The following APAF1 variants were observed in gnomAD, a reference collection of about 807,000 sequenced individuals.
APAF1 encodes the protein apoptotic peptidase activating factor 1.
APAF1 carries 91 observed loss-of-function variants against 152.4 expected under a neutral mutation model. The ratio of observed to expected loss-of-function variants is 0.60; its 90% CI spans 0.50 to 0.71. The LOEUF (loss-of-function observed/expected upper bound fraction) is 0.71, where lower values mean the gene tolerates loss of function less well. APAF1 is among the 30% of genes least tolerant of loss of function. The pLI is 0.00. For synonymous variants in APAF1, 484 were observed against 494.1 expected (o/e 0.98, Z 0.27); for missense variants, 1,283 against 1,472.0 (o/e 0.87, Z 2.10).
chr12:98,725,609 A>G (rs2097749347), intron 25 of APAF1, 69 bp downstream of exon 25: 1 of 1,601,948 alleles, frequency 6.2e-7, no homozygotes. Context: ...CACAGTGGGG[A>G]CCTTTGTTCA....
chr12:98,698,541 G>A (rs1196828252), intron 16 of APAF1, among the ~76,000 whole-genome samples: 2 of 152,096 alleles, frequency 1.3e-5, no homozygotes, highest in African/African-American at 2.4e-5. Context: ...TTTGGTTTTG[G>A]CCATGTTTCT....
At chr12:98,716,504 T>G (rs1009847489) in intron 22 of APAF1, among the ~76,000 whole-genome samples, 4 of 152,212 alleles carry the variant, frequency 2.6e-5, no homozygotes, top group African/African-American at 9.6e-5. Context: ...TTTGAAGACA[T>G]TGCTCCATTT....
chr12:98,718,378 A>C (rs1443348244), intron 22 of APAF1, among the ~76,000 whole-genome samples: 2 of 151,984 alleles, frequency 1.3e-5, no homozygotes, highest in Non-Finnish European at 2.9e-5. Flanking sequence ...GATTACAGGC[A>C]CCTGCCATCA....
chr12:98,707,898 C>T (rs1290296691), intron 19 of APAF1, among the ~76,000 whole-genome samples: 1 of 152,142 alleles, frequency 6.6e-6, no homozygotes, highest in African/African-American at 2.4e-5. Context: ...CATCACTAGA[C>T]ACAGTTACAG....
chr12:98,671,441 C>G, intron 11 of APAF1, 94 bp from the exon 12 acceptor site: 1 of 1,221,184 alleles, frequency 8.2e-7, no homozygotes, highest in East Asian at 2.3e-5. Flanking sequence ...AAGAATATTT[C>G]ATTTAAGCTT....
intron 17 of APAF1, among the ~76,000 whole-genome samples, chr12:98,701,653 G>A (rs1195552967): frequency 6.6e-6 from 1 of 152,222 alleles, no homozygotes; most frequent in African/African-American, 2.4e-5. Context: ...GTTCTAGTGA[G>A]AGGAAGATAA....
At chr12:98,721,589 ATC>A (rs2097742908) in intron 22 of APAF1, among the ~76,000 whole-genome samples, 1 of 152,126 alleles carries the variant, frequency 6.6e-6, no homozygotes, top group South Asian at 2.1e-4. Context: ...CCCCCAGCAT[ATC>A]TCATTGGGTT....
intron 16 of APAF1, among the ~76,000 whole-genome samples, chr12:98,690,794 T>C (rs1196397897): frequency 6.6e-6 from 1 of 152,194 alleles, no homozygotes; most frequent in East Asian, 1.9e-4. Context: ...ATGGCAATAA[T>C]GTTACCTCAT....
chr12:98,709,191 C>T (rs2097725073), intron 20 of APAF1, among the ~76,000 whole-genome samples: 1 of 152,160 alleles, frequency 6.6e-6, no homozygotes, highest in Non-Finnish European at 1.5e-5. Context: ...TTTACACACA[C>T]CTTTGTTCAG....
In APAF1 at chr12:98,734,077, C is replaced by CTT. The variant is rs1650579592; in HGVS notation, c.*1514_*1515dup. On this transcript the variant is annotated 3_prime_UTR_variant, in exon 27 of 27. Coordinates refer to ENST00000551964, the MANE Select transcript of APAF1 (RefSeq NM_181861.2). ...AACAATTTTCATCTAATTCCATTTA[C>CTT]TTTTAGATGAATGGCATTGTGAATG... 1 of 152,126 alleles carries CTT rather than the reference C, an allele frequency of 6.6e-6. No homozygotes were observed. Among genetic ancestry groups the CTT allele is most frequent in the Admixed American group, 6.5e-5 (1 of 15,278 alleles). The allele number at this position is 152,126 out of a possible 1,614,324, so 9.4% of individuals were successfully genotyped here. A position where few individuals can be genotyped will look rare whatever the true frequency, so the allele number is the denominator to read the frequency against.
chr12:98,681,622 G>A (rs1397992684), intron 14 of APAF1, among the ~76,000 whole-genome samples: 1 of 152,138 alleles, frequency 6.6e-6, no homozygotes, highest in African/African-American at 2.4e-5. Context: ...GCTATGGAAT[G>A]TCCAGACTAA....
At chr12:98,671,178 T>C in intron 11 of APAF1, 92 bp downstream of exon 11, 2 of 837,662 alleles carry the variant, frequency 2.4e-6, no homozygotes, top group Non-Finnish European at 3.9e-6. Context: ...ATGAGCAGAA[T>C]AGAAGGGGTG....
At chr12:98,663,830 T>C (rs1484284671) in intron 7 of APAF1, among the ~76,000 whole-genome samples, 1 of 151,866 alleles carries the variant, frequency 6.6e-6, no homozygotes, top group African/African-American at 2.4e-5. Flanking sequence ...AGCTAATTTT[T>C]GTATTTTCAG....
At position 98,715,488 on chromosome 12, in the gene APAF1, G is replaced by A. The variant is rs2097733728; in HGVS notation, c.3020G>A (p.Trp1007Ter). The change falls in exon 22 of 27, where the codon TGG becomes TAG. Residue 1007 changes from tryptophan (W) to a stop codon, truncating the protein, a stop_gained. Coordinates refer to ENST00000551964, the MANE Select transcript of APAF1 (RefSeq NM_181861.2). LOFTEE classifies it high-confidence loss of function. ...QSRFQHKKTVWHIQFTADEKT... is the reference protein window; with the variant it reads ...QSRFQHKKTV ...AGGTTTCAGCACAAGAAAACTGTAT[G>A]GCACATCCAGTTCACAGCCGATGAG... The A allele has an allele frequency of 6.2e-7, 1 of 1,613,272 alleles. No homozygotes were observed. The highest frequency in any genetic ancestry group is 1.7e-5 in the Admixed American group (1 of 59,954).
rs143593431 is a variant in APAF1, at chr12:98,659,032, C to T, written c.527-128C>T. The T allele has an allele frequency of 4.9e-4, 450 of 916,164 alleles. 1 individual carries two copies. The African/African-American group carries it at 6.2e-3, about 13-fold the overall frequency. 56.8% of individuals were successfully genotyped at this position (916,164 alleles called of 1,614,324 possible). On this transcript the variant is annotated intron_variant, in intron 4 of 26. Coordinates refer to ENST00000551964, the MANE Select transcript of APAF1 (RefSeq NM_181861.2). ...GTATCTTGCACGTAAAATTTCTACT[C>T]TAAATCAAGAGAAGTTGAAGATGTG... is the stretch of plus-strand genomic sequence containing the variant.
chr12:98,671,780 G>A (rs2153320059), intron 12 of APAF1, 61 bp downstream of exon 12: 1 of 1,509,668 alleles, frequency 6.6e-7, no homozygotes, highest in Non-Finnish European at 9.2e-7. Context: ...TTATTTTTCA[G>A]GTGGTGAATA....
chr12:98,661,697 G>A (rs1421039997), intron 5 of APAF1, among the ~76,000 whole-genome samples: 2 of 151,464 alleles, frequency 1.3e-5, no homozygotes, highest in Admixed American at 6.6e-5. Flanking sequence ...TCAAACTCCC[G>A]ACCTCAGGTG....
chr12:98,684,908 T>A (rs1414657831), intron 15 of APAF1, among the ~76,000 whole-genome samples: 4 of 152,208 alleles, frequency 2.6e-5, no homozygotes, highest in African/African-American at 9.6e-5. Flanking sequence ...TGTGCTATAC[T>A]ACCTATATTA....
chr12:98,706,424 T>C (rs1477447962), intron 18 of APAF1, 61 bp from the exon 19 acceptor site: 1 of 1,569,888 alleles, frequency 6.4e-7, no homozygotes, highest in African/African-American at 1.4e-5. Flanking sequence ...ATTTTCAATA[T>C]TTTTGCTCTC....
Sources: allele counts gnomAD v4.1 joint callset (sites outside exome capture counted in the v4.1 genomes callset), GRCh38; gene constraint gnomAD v4.1.1; transcripts MANE v1.5; gene names NCBI Gene and HGNC (gene_info 2026-07-23, HGNC 2026-07-21).